The following BBS9 variants were observed in gnomAD, a reference collection of about 807,000 sequenced individuals.
BBS9 encodes protein PTHB1.
Under a neutral mutation model 117.7 loss-of-function variants are expected in BBS9, and 89 were observed. That is an observed-to-expected ratio of 0.76 (90% confidence interval 0.64 to 0.90). The LOEUF is 0.90. Ranked by LOEUF, BBS9 falls within the 40% of genes least tolerant of loss-of-function variation. BBS9 has a pLI of 0.00. For missense variants in BBS9, 982 were observed against 1,042.2 expected, an observed-to-expected ratio of 0.94 and a Z score of 0.80; for synonymous variants, 379 against 370.9, an observed-to-expected ratio of 1.02 and a Z score of -0.25.
chr7:33,525,803 G>A (rs1849396633), intron 20 of BBS9, among the ~76,000 whole-genome samples: 1 of 139,396 alleles, frequency 7.2e-6, no homozygotes, highest in Non-Finnish European at 1.5e-5. Context: ...GATGTTAGCT[G>A]GTGATTTTGC....
chr7:33,521,154 A>T (rs953808243), intron 20 of BBS9, among the ~76,000 whole-genome samples: 1 of 152,210 alleles, frequency 6.6e-6, no homozygotes, highest in Non-Finnish European at 1.5e-5. Flanking sequence ...ACGTTTTATA[A>T]TAATTCAGGT....
intron 20 of BBS9, among the ~76,000 whole-genome samples, chr7:33,521,613 T>G (rs985901542): frequency 5.6e-5 from 7 of 125,076 alleles, no homozygotes; most frequent in Non-Finnish European, 9.8e-5. Flanking sequence ...TTAAAGCTGA[T>G]TTTTTTCAGT....
At chr7:33,176,804 T>A (rs1465296521) in intron 4 of BBS9, among the ~76,000 whole-genome samples, 3 of 152,186 alleles carry the variant, frequency 2.0e-5, no homozygotes, top group African/African-American at 4.8e-5. Flanking sequence ...ACACACTTTT[T>A]AATCATAATG....
intron 9 of BBS9, among the ~76,000 whole-genome samples, chr7:33,333,725 C>T (rs1346077110): frequency 1.3e-5 from 2 of 152,022 alleles, no homozygotes. Context: ...ATTCTCCTGC[C>T]TCAGTCTCCT....
At chr7:33,371,106 G>C (rs1458801929) in intron 17 of BBS9, among the ~76,000 whole-genome samples, 1 of 152,060 alleles carries the variant, frequency 6.6e-6, no homozygotes, top group Admixed American at 6.5e-5. Context: ...TAAACCTTTT[G>C]TTGAGGAGAT....
At chr7:33,300,939 A>G (rs1350520881) in intron 9 of BBS9, among the ~76,000 whole-genome samples, 2 of 152,134 alleles carry the variant, frequency 1.3e-5, no homozygotes, top group African/African-American at 2.4e-5. Flanking sequence ...TTTGCTGGGT[A>G]TAGAATTTTA....
intron 19 of BBS9, among the ~76,000 whole-genome samples, chr7:33,489,511 C>T (rs941008905): frequency 2.6e-5 from 4 of 151,922 alleles, no homozygotes; most frequent in African/African-American, 4.8e-5. Context: ...TTCTGCATAT[C>T]GGTAAACTAA....
intron 17 of BBS9, among the ~76,000 whole-genome samples, chr7:33,377,422 G>A (rs1824100203): frequency 6.6e-6 from 1 of 152,108 alleles, no homozygotes; most frequent in Admixed American, 6.5e-5. Flanking sequence ...GTTTACTGTA[G>A]CCCTGTAGTA....
chr7:33,537,065 T>G (rs1851560328), intron 21 of BBS9, among the ~76,000 whole-genome samples: 1 of 152,088 alleles, frequency 6.6e-6, no homozygotes, highest in South Asian at 2.1e-4. Flanking sequence ...AGTTGGGACC[T>G]TCAAAATCGT....
At chr7:33,287,711 A>G (rs369895328) in intron 9 of BBS9, among the ~76,000 whole-genome samples, 6 of 152,312 alleles carry the variant, frequency 3.9e-5, no homozygotes, top group African/African-American at 4.8e-5. Context: ...AAAATAAAAG[A>G]ATTGCTACCT....
At chr7:33,275,202 A>G (rs1334819823) in intron 9 of BBS9, among the ~76,000 whole-genome samples, 1 of 152,178 alleles carries the variant, frequency 6.6e-6, no homozygotes, top group African/African-American at 2.4e-5. Flanking sequence ...AACATTGAAT[A>G]TTTTAAAAAG....
intron 21 of BBS9, among the ~76,000 whole-genome samples, chr7:33,616,055 T>C (rs1268266822): frequency 6.6e-6 from 1 of 151,924 alleles, no homozygotes; most frequent in Non-Finnish European, 1.5e-5. Context: ...TTAAAAGAAG[T>C]GATTCAGAGA....
At chr7:33,626,414 G>T (rs1353405551) in intron 21 of BBS9, among the ~76,000 whole-genome samples, 2 of 152,218 alleles carry the variant, frequency 1.3e-5, no homozygotes, top group Non-Finnish European at 2.9e-5. Flanking sequence ...TTGCCATAAA[G>T]GTACCTGAAA....
intron 5 of BBS9, among the ~76,000 whole-genome samples, chr7:33,252,313 G>T (rs534666234): frequency 1.3e-5 from 2 of 152,066 alleles, no homozygotes; most frequent in Non-Finnish European, 2.9e-5. Context: ...ATTTGGACAG[G>T]GACACAGATC....
chr7:33,620,375 T>G (rs1311454228), intron 21 of BBS9, among the ~76,000 whole-genome samples: 1 of 151,970 alleles, frequency 6.6e-6, no homozygotes, highest in Non-Finnish European at 1.5e-5. Flanking sequence ...AAGACTCCTT[T>G]TAAAAACTAT....
intron 9 of BBS9, among the ~76,000 whole-genome samples, chr7:33,313,132 T>C (rs1809674288): frequency 6.6e-6 from 1 of 151,532 alleles, no homozygotes; most frequent in Non-Finnish European, 1.5e-5. Flanking sequence ...GCCCTACTTC[T>C]TCCCTTATTG....
chr7:33,515,995 GTAAT>G (rs1847707140), intron 20 of BBS9, among the ~76,000 whole-genome samples: 1 of 152,140 alleles, frequency 6.6e-6, no homozygotes, highest in Non-Finnish European at 1.5e-5. Flanking sequence ...AATTTAAATG[GTAAT>G]TAATTCATTG....
chr7:33,193,421 C>CGT (rs1562773513), intron 5 of BBS9, among the ~76,000 whole-genome samples: 8 of 67,786 alleles, frequency 1.2e-4, no homozygotes, highest in Non-Finnish European at 1.6e-4. Context: ...CCTCTCTCTG[C>CGT]CTTTTTTTTT....
At chr7:33,403,294 TGA>T (rs1392964049) in intron 19 of BBS9, among the ~76,000 whole-genome samples, 1 of 151,184 alleles carries the variant, frequency 6.6e-6, no homozygotes, top group East Asian at 1.9e-4. Flanking sequence ...TTTTTTTTTT[TGA>T]GTTTTACTTT....
Sources: allele counts gnomAD v4.1 joint callset (sites outside exome capture counted in the v4.1 genomes callset), GRCh38; gene constraint gnomAD v4.1.1; transcripts MANE v1.5; gene names NCBI Gene and HGNC (gene_info 2026-07-23, HGNC 2026-07-21).